Variants in ATF2 observed in about 807,000 individuals in gnomAD.
ATF2 encodes the protein activating transcription factor 2, also known as cyclic AMP-dependent transcription factor ATF-2.
A neutral mutation model predicts 60.6 loss-of-function variants in ATF2; 24 were observed. The observed-to-expected ratio is 0.40, with a 90% CI of 0.29 to 0.56. The LOEUF (loss-of-function observed/expected upper bound fraction) is 0.56. Among genes scored for constraint, ATF2 ranks in the 20% least tolerant of loss-of-function variants. The pLI, the probability that ATF2 is intolerant of heterozygous loss-of-function variation, is 0.54. For synonymous variants in ATF2, 206 were observed against 215.4 expected (o/e 0.96, Z 0.38); for missense variants, 433 against 607.7 (o/e 0.71, Z 3.02).
At chr2:175,078,332 C>T (rs1402705776) in intron 13 of ATF2, among the ~76,000 whole-genome samples, 2 of 152,088 alleles carry the variant, frequency 1.3e-5, no homozygotes, top group Non-Finnish European at 2.9e-5. Flanking sequence ...AGCTTTTCTT[C>T]CCATTTATAA....
intron 3 of ATF2, among the ~76,000 whole-genome samples, chr2:175,133,021 A>G (rs907492873): frequency 5.3e-5 from 8 of 151,868 alleles, no homozygotes; most frequent in African/African-American, 1.9e-4. Context: ...CTGGGGAGGT[A>G]GAGGTTGCAG....
At position 175,129,609 on chromosome 2, in the gene ATF2, T is replaced by A. The variant is rs1357609858; in HGVS notation, c.102+529A>T. ...CTGTCTATAGTTATTTTAAGATAAG[T>A]ATAATAGGAATAGATTAATAATTTA... On this transcript the variant is annotated intron_variant, in intron 4 of 13. Coordinates refer to ENST00000264110, the MANE Select transcript of ATF2 (RefSeq NM_001880.4). Among the ~76,000 whole-genome samples the A allele has an allele frequency of 2.6e-5, 4 of 152,088 alleles. No individual in the cohort carries two copies. The South Asian group carries it at 8.3e-4, about 32-fold the overall frequency.
intron 2 of ATF2, among the ~76,000 whole-genome samples, chr2:175,139,212 G>A (rs2105775566): frequency 6.6e-6 from 1 of 152,212 alleles, no homozygotes; most frequent in Non-Finnish European, 1.5e-5. Flanking sequence ...CTAACAGCAG[G>A]CACAGAGTAA....
intron 7 of ATF2, 48 bp downstream of exon 7, chr2:175,117,942 T>A (rs762494483): frequency 1.3e-6 from 2 of 1,521,914 alleles, no homozygotes. Flanking sequence ...TAAACTTTAT[T>A]TGGGTACTGT....
chr2:175,135,952 AG>A, intron 3 of ATF2, among the ~76,000 whole-genome samples: 1 of 152,228 alleles, frequency 6.6e-6, no homozygotes, highest in East Asian at 1.9e-4. Flanking sequence ...TAGACACTAA[AG>A]AAAAAAAGGT....
chr2:175,114,552 T>C (rs1696419104), intron 8 of ATF2, 138 bp downstream of exon 8: 1 of 1,401,864 alleles, frequency 7.1e-7, no homozygotes, highest in East Asian at 2.5e-5. Context: ...ACTACGCAAG[T>C]ACTTTTTCCA....
intron 2 of ATF2, among the ~76,000 whole-genome samples, chr2:175,150,129 A>G (rs1478541342): frequency 2.6e-5 from 4 of 152,162 alleles, no homozygotes; most frequent in Non-Finnish European, 5.9e-5. Context: ...AAAAATTATC[A>G]AGTGTTATCA....
At chr2:175,080,445 G>C in intron 13 of ATF2, 1 of 358,268 alleles carries the variant, frequency 2.8e-6, no homozygotes. Context: ...CTATAGTAAC[G>C]CTTAGGAAAA....
At chr2:175,094,927 G>C (rs1694824353) in intron 11 of ATF2, among the ~76,000 whole-genome samples, 1 of 151,992 alleles carries the variant, frequency 6.6e-6, no homozygotes, top group Admixed American at 6.6e-5. Context: ...GGGCAACAGA[G>C]GAAGATCCCG....
rs1465878843 is a variant in ATF2, at chr2:175,093,705, C to T, written c.979-438G>A. ...ATGATAGAAAACCATGATTTCTATGCTATTTTTAAATTAAATATCTCACAT... is the reference window on the plus strand; with the variant it reads ...ATGATAGAAAACCATGATTTCTATGTTATTTTTAAATTAAATATCTCACAT... On this transcript the variant is annotated intron_variant, in intron 11 of 13. Coordinates refer to ENST00000264110, the MANE Select transcript of ATF2 (RefSeq NM_001880.4). Among the ~76,000 whole-genome samples, 3 of 152,084 alleles carry T rather than the reference C, an allele frequency of 2.0e-5. No individual in the cohort carries two copies. The East Asian group carries it at 5.8e-4, about 29-fold the overall frequency.
intron 13 of ATF2, among the ~76,000 whole-genome samples, chr2:175,077,303 G>GTT (rs1489219941): frequency 6.6e-6 from 1 of 152,124 alleles, no homozygotes; most frequent in East Asian, 1.9e-4. Context: ...AATCCTTTGG[G>GTT]TATATACCCA....
intron 1 of ATF2, among the ~76,000 whole-genome samples, chr2:175,166,961 A>G (rs1356506142): frequency 6.6e-6 from 1 of 152,250 alleles, no homozygotes; most frequent in Non-Finnish European, 1.5e-5. Flanking sequence ...AGGTACATGT[A>G]AAGAAATGCT....
intron 10 of ATF2, among the ~76,000 whole-genome samples, chr2:175,104,656 A>C (rs1338624973): frequency 6.6e-6 from 1 of 152,214 alleles, no homozygotes; most frequent in African/African-American, 2.4e-5. Flanking sequence ...GCACTGGGAT[A>C]CGAACCCATC....
At chr2:175,158,138 A>G (rs1699801868) in intron 1 of ATF2, among the ~76,000 whole-genome samples, 1 of 152,182 alleles carries the variant, frequency 6.6e-6, no homozygotes, top group Admixed American at 6.5e-5. Context: ...CAAAGTGGTC[A>G]TAATAACAAA....
At chr2:175,154,170 C>T (rs911007271) in intron 1 of ATF2, among the ~76,000 whole-genome samples, 1 of 150,830 alleles carries the variant, frequency 6.6e-6, no homozygotes. Context: ...GCCAAGATTG[C>T]ACCACTGCAC....
intron 1 of ATF2, among the ~76,000 whole-genome samples, chr2:175,163,041 G>A (rs1396621771): frequency 2.0e-5 from 3 of 152,082 alleles, no homozygotes; most frequent in African/African-American, 7.2e-5. Flanking sequence ...GGCTGAGGCA[G>A]GAGAATGGCA....
chr2:175,115,460 G>A (rs957854235), intron 7 of ATF2, among the ~76,000 whole-genome samples: 55 of 152,244 alleles, frequency 3.6e-4, no homozygotes, highest in African/African-American at 1.3e-3. Context: ...ACTCTTTCAA[G>A]TCAGGAAAAC....
chr2:175,157,916 C>T (rs1222842618), intron 1 of ATF2, among the ~76,000 whole-genome samples: 2 of 151,836 alleles, frequency 1.3e-5, no homozygotes, highest in Non-Finnish European at 2.9e-5. Context: ...TGCTTGAACC[C>T]GGGAGGCAGA....
At chr2:175,095,129 G>A (rs1406556335) in intron 11 of ATF2, among the ~76,000 whole-genome samples, 5 of 148,144 alleles carry the variant, frequency 3.4e-5, no homozygotes, top group Non-Finnish European at 4.5e-5. Flanking sequence ...ATGGAGTCTC[G>A]CTCTGTGGCC....
Sources: gnomAD v4.1 joint callset for allele counts (sites outside exome capture counted in the v4.1 genomes callset) on GRCh38, gnomAD v4.1.1 for gene constraint, MANE v1.5 for transcripts, NCBI Gene and HGNC (gene_info 2026-07-23, HGNC 2026-07-21) for gene names.